TSKU: variants seen among roughly 807,000 people sequenced by gnomAD.
The protein encoded by TSKU is tsukushi.
In TSKU, 4 loss-of-function variants were observed where a neutral mutation model predicts 11.2. The ratio of observed to expected loss-of-function variants is 0.36; its 90% CI spans 0.18 to 0.82. The LOEUF (loss-of-function observed/expected upper bound fraction) is 0.82. Among genes scored for constraint, TSKU ranks in the 40% least tolerant of loss-of-function variants. TSKU has a pLI of 0.50. For synonymous variants in TSKU, 220 were observed against 232.2 expected, an observed-to-expected ratio of 0.95 and a Z score of 0.48; for missense variants, 407 against 482.5, an observed-to-expected ratio of 0.84 and a Z score of 1.47.
In TSKU at chr11:76,795,613, C is replaced by T. The variant is rs772364309; in HGVS notation, c.-4C>T. ...CACCTGTGGCTCTCTTTCTAGCCCC[C>T]ACCATGCCGTGGCCCCTGCTGCTGC... On this transcript the variant is annotated 5_prime_UTR_variant, in exon 2 of 2. Coordinates refer to ENST00000333090, the MANE Select transcript of TSKU (RefSeq NM_015516.4). 1.9e-6 allele frequency: 3 copies of T among 1,608,502 alleles called. No homozygotes were observed. Among genetic ancestry groups the T allele is most frequent in the East Asian group, 2.2e-5 (1 of 44,850 alleles).
Position 76,796,959 on chromosome 11 carries a change from C to T in TSKU, c.*281C>T. The T allele has an allele frequency of 3.3e-6, 1 of 307,354 alleles. No homozygotes were observed. 19.0% of individuals were successfully genotyped at this position (307,354 alleles called of 1,614,324 possible). A position where few individuals can be genotyped will look rare whatever the true frequency, so the allele number is the denominator to read the frequency against. ...CCTCCTGCTTCCCTTCCCCACTTATCCCCCAAGTGCCTTCCCTCATGCCTG... is the reference window on the plus strand; with the variant it reads ...CCTCCTGCTTCCCTTCCCCACTTATTCCCCAAGTGCCTTCCCTCATGCCTG... On this transcript the variant is annotated 3_prime_UTR_variant, in exon 2 of 2. Coordinates refer to ENST00000333090, the MANE Select transcript of TSKU (RefSeq NM_015516.4). The surrounding 1 kb of genome is among the most constrained non-coding windows in gnomAD (Gnocchi z 4.1).
rs1433255052 is a variant in TSKU, at chr11:76,796,390, C to CAACCCCAAG, written c.774_775insAACCCCAAG (p.Val258_Leu259insAsnProLys). 1 of 1,613,468 alleles carries CAACCCCAAG rather than the reference C, an allele frequency of 6.2e-7. No homozygotes were observed. The highest frequency in any genetic ancestry group is 8.5e-7 in the Non-Finnish European group (1 of 1,179,988). ...TCCGTGAGCTACCGGGCCTGCAGGT[C>CAACCCCAAG]CTGGACCTGTCGGGCAACCCCAAGC... On this transcript the variant is annotated inframe_insertion, in exon 2 of 2. Transcript: ENST00000333090. This position sits in a 1 kb window ranked among gnomAD's most constrained non-coding sequence, Gnocchi z 4.1.
chr11:76,789,555 A>AATGC (rs1944344257), intron 1 of TSKU, among the ~76,000 whole-genome samples: 1 of 152,214 alleles, frequency 6.6e-6, no homozygotes, highest in Admixed American at 6.5e-5. Flanking sequence ...TGGGCCCAAC[A>AATGC]ATGCATGATT....
At chr11:76,786,698 T>A (rs534485107) in intron 1 of TSKU, among the ~76,000 whole-genome samples, 2 of 152,122 alleles carry the variant, frequency 1.3e-5, no homozygotes, top group Non-Finnish European at 2.9e-5. Context: ...GGGAAGACAG[T>A]GACCCCAACT....
At chr11:76,787,875 G>C (rs890834422) in intron 1 of TSKU, among the ~76,000 whole-genome samples, 2 of 152,170 alleles carry the variant, frequency 1.3e-5, no homozygotes, top group African/African-American at 4.8e-5. Context: ...TCCCAGCTGA[G>C]TAACATCCAT....
At chr11:76,794,429 C>A (rs1284649809) in intron 1 of TSKU, among the ~76,000 whole-genome samples, 2 of 152,208 alleles carry the variant, frequency 1.3e-5, no homozygotes, top group Admixed American at 1.3e-4. Context: ...GTGGGAAAAG[C>A]CCCTCCTGCA....
At chr11:76,784,751 G>T (rs890573693) in intron 1 of TSKU, among the ~76,000 whole-genome samples, 42 of 135,262 alleles carry the variant, frequency 3.1e-4, no homozygotes, top group Middle Eastern at 3.6e-3. Flanking sequence ...GGAGGTGGGG[G>T]GGGGGGGGTG....
chr11:76,792,339 T>C (rs927885931), intron 1 of TSKU: 3 of 152,226 alleles, frequency 2.0e-5, no homozygotes, highest in Non-Finnish European at 4.4e-5. Flanking sequence ...TTTTACAGGC[T>C]CGTAGGTGGA....
chr11:76,796,133 G>A lies in TSKU; in HGVS notation c.517G>A (p.Val173Met), dbSNP rs751608267. 5.0e-6 allele frequency: 8 copies of A among 1,613,650 alleles called. No homozygotes were observed. The highest frequency in any genetic ancestry group is 4.5e-5 in the East Asian group (2 of 44,856). The change falls in exon 2 of 2, where the codon GTG becomes ATG. Residue 173 changes from valine to methionine, a missense_variant. By Grantham distance (21) the Val-to-Met change is conservative. Coordinates refer to ENST00000333090, the MANE Select transcript of TSKU (RefSeq NM_015516.4). This position sits in a 1 kb window ranked among gnomAD's most constrained non-coding sequence, Gnocchi z 4.1. ...CTCCCACAACCTCATTCACCGCCTC[G>A]TGCCCCACCCCACGAGGGCCGGCCT... ...DLSHNLIHRL[V>M]PHPTRAGLPA...
chr11:76,796,628 C>T lies in TSKU; in HGVS notation c.1012C>T (p.His338Tyr), dbSNP rs777085587. 8 of 1,469,256 alleles carry T rather than the reference C, an allele frequency of 5.4e-6. No individual in the cohort carries two copies. The Admixed American group carries it at 2.2e-4, about 40-fold the overall frequency. 91.0% of individuals were successfully genotyped at this position (1,469,256 alleles called of 1,614,324 possible). A position where few individuals can be genotyped will look rare whatever the true frequency, so the allele number is the denominator to read the frequency against. The change falls in exon 2 of 2, where the codon CAC (histidine) becomes TAC (tyrosine). Residue 338 changes from histidine (H) to tyrosine (Y), a missense_variant. By Grantham distance (83) the His-to-Tyr change is moderately conservative. Transcript: ENST00000333090. This position sits in a 1 kb window ranked among gnomAD's most constrained non-coding sequence, Gnocchi z 4.1. ...TGGCTCCAGCCCCAAGGTGGCCCTG[C>T]ACTGCGTAGACACCCGGGATTCTGC... ...RPGSSPKVAL[H>Y]CVDTRDSAAR...
At chr11:76,795,317 C>G (rs1440757227) in intron 1 of TSKU, among the ~76,000 whole-genome samples, 1 of 152,252 alleles carries the variant, frequency 6.6e-6, no homozygotes, top group Non-Finnish European at 1.5e-5. Flanking sequence ...TTCAGGTCCC[C>G]CTCACTTCAG....
intron 1 of TSKU, among the ~76,000 whole-genome samples, chr11:76,795,046 G>C (rs146657881): frequency 8.5e-5 from 13 of 152,192 alleles, no homozygotes; most frequent in Non-Finnish European, 1.5e-4. Context: ...GGTTGTGAGG[G>C]TCAGATGCGA....
intron 1 of TSKU, among the ~76,000 whole-genome samples, chr11:76,789,275 G>A (rs961098687): frequency 6.6e-6 from 1 of 152,210 alleles, no homozygotes; most frequent in African/African-American, 2.4e-5. Flanking sequence ...CCAGATGAGG[G>A]GCTGGGGACA....
intron 1 of TSKU, among the ~76,000 whole-genome samples, chr11:76,785,966 TAATG>T (rs372316033): frequency 5.3e-5 from 8 of 152,266 alleles, no homozygotes; most frequent in African/African-American, 1.9e-4. Flanking sequence ...TTAAATAAGA[TAATG>T]AATTACATGT....
chr11:76,782,685 A>G (rs145855786), upstream of TSKU: 20 of 151,756 alleles, frequency 1.3e-4, no homozygotes, highest in African/African-American at 2.7e-4. Flanking sequence ...CCAGAAGCCA[A>G]TGGTTTCCTC....
At position 76,797,379 on chromosome 11, in the gene TSKU, C is replaced by G. The variant is rs1200896958; in HGVS notation, c.*701C>G. The G allele has an allele frequency of 6.0e-6, 1 of 167,262 alleles. No individual in the cohort carries two copies. Among genetic ancestry groups the G allele is most frequent in the African/African-American group, 2.4e-5 (1 of 41,478 alleles). 10.4% of individuals were successfully genotyped at this position (167,262 alleles called of 1,614,324 possible). A position where few individuals can be genotyped will look rare whatever the true frequency, so the allele number is the denominator to read the frequency against. ...AAGCCCCACCCTCCCCGCCTGGGCT[C>G]CCCTTGCTGCCCTTGCCTGTTCCCC... On this transcript the variant is annotated 3_prime_UTR_variant, in exon 2 of 2. Coordinates refer to ENST00000333090, the MANE Select transcript of TSKU (RefSeq NM_015516.4).
At chr11:76,791,513 G>A (rs1590818733) in intron 1 of TSKU, among the ~76,000 whole-genome samples, 1 of 113,674 alleles carries the variant, frequency 8.8e-6, no homozygotes, top group Non-Finnish European at 2.1e-5. Flanking sequence ...GGGACTTGGT[G>A]TCCTGTGTCC....
At chr11:76,792,230 A>G (rs973089882) in intron 1 of TSKU, 13 of 152,352 alleles carry the variant, frequency 8.5e-5, no homozygotes, top group Admixed American at 7.2e-4. Context: ...TGGGGCCTGT[A>G]GCCCCTTTGT....
At chr11:76,794,158 C>T (rs10899283) in intron 1 of TSKU, among the ~76,000 whole-genome samples, 44,745 of 152,050 alleles carry the variant, frequency 0.29, 7,489 homozygotes, top group African/African-American at 0.45. Flanking sequence ...GCCGGGGTGA[C>T]GACAGACTAT....
Sources: gnomAD v4.1 joint callset for allele counts (sites outside exome capture counted in the v4.1 genomes callset) on GRCh38, gnomAD v4.1.1 for gene constraint, Gnocchi (gnomAD v3.1) non-coding constraint, MANE v1.5 for transcripts, NCBI Gene and HGNC (gene_info 2026-07-23, HGNC 2026-07-21) for gene names.